The following TMEM135 variants were observed in gnomAD, a reference collection of about 807,000 sequenced individuals.
TMEM135 encodes peroxisomal membrane protein 52.
Under a neutral mutation model 60.3 loss-of-function variants are expected in TMEM135, and 30 were observed. The ratio of observed to expected loss-of-function variants is 0.50; its 90% CI spans 0.37 to 0.68. The LOEUF is 0.68. Ranked by LOEUF, TMEM135 falls within the 30% of genes least tolerant of loss-of-function variation. The pLI, the probability that TMEM135 is intolerant of heterozygous loss-of-function variation, is 0.00. For synonymous variants in TMEM135, 190 were observed against 186.7 expected, an observed-to-expected ratio of 1.02 and a Z score of -0.14; for missense variants, 468 against 548.8, an observed-to-expected ratio of 0.85 and a Z score of 1.47.
chr11:87,310,972 G>C (rs1183021969), intron 10 of TMEM135, among the ~76,000 whole-genome samples: 1 of 151,606 alleles, frequency 6.6e-6, no homozygotes, highest in Non-Finnish European at 1.5e-5. Flanking sequence ...GATGAGATTT[G>C]CCTACCTTCC....
At chr11:87,306,240 T>A (rs1338285268) in intron 9 of TMEM135, among the ~76,000 whole-genome samples, 1 of 152,202 alleles carries the variant, frequency 6.6e-6, no homozygotes, top group African/African-American at 2.4e-5. Context: ...AAAAATTGGC[T>A]TAATTAAAAC....
chr11:87,099,288 G>A (rs903862209), intron 4 of TMEM135, among the ~76,000 whole-genome samples: 1 of 151,892 alleles, frequency 6.6e-6, no homozygotes, highest in African/African-American at 2.4e-5. Flanking sequence ...TGATGTTGGA[G>A]AGCACACTTA....
intron 6 of TMEM135, among the ~76,000 whole-genome samples, chr11:87,270,001 C>G (rs1941832885): frequency 8.0e-6 from 1 of 125,510 alleles, no homozygotes; most frequent in African/African-American, 2.8e-5. Context: ...TCCTCTCCAG[C>G]ACCTGTTGTT....
intron 5 of TMEM135, among the ~76,000 whole-genome samples, chr11:87,223,526 C>T (rs1289415333): frequency 1.3e-5 from 2 of 151,976 alleles, no homozygotes; most frequent in African/African-American, 2.4e-5. Context: ...ACACTCATTG[C>T]GCTTTAAGTC....
chr11:87,174,743 C>T (rs1455915252), intron 5 of TMEM135, among the ~76,000 whole-genome samples: 1 of 152,138 alleles, frequency 6.6e-6, no homozygotes, highest in African/African-American at 2.4e-5. Flanking sequence ...ACAGCAGGTC[C>T]TCCAATCATA....
chr11:87,256,455 A>T (rs905519195), intron 6 of TMEM135, among the ~76,000 whole-genome samples: 2 of 152,194 alleles, frequency 1.3e-5, no homozygotes, highest in African/African-American at 2.4e-5. Context: ...GGGTTTGTTT[A>T]CTTAAATTAT....
chr11:87,173,844 G>A (rs1939302483), intron 5 of TMEM135, among the ~76,000 whole-genome samples: 1 of 152,122 alleles, frequency 6.6e-6, no homozygotes, highest in Admixed American at 6.6e-5. Flanking sequence ...TCCTGTGTGA[G>A]TCATGATATT....
chr11:87,116,454 G>A (rs1857881613), intron 4 of TMEM135, among the ~76,000 whole-genome samples: 2 of 152,080 alleles, frequency 1.3e-5, no homozygotes, highest in East Asian at 3.9e-4. Flanking sequence ...TTTATTACTG[G>A]GTGGCCCACT....
chr11:87,223,179 T>TTTTTG (rs1009974373), intron 5 of TMEM135, among the ~76,000 whole-genome samples: 1 of 151,700 alleles, frequency 6.6e-6, no homozygotes, highest in African/African-American at 2.4e-5. Flanking sequence ...TTTTTTTTTT[T>TTTTTG]TCTGAGATGG....
chr11:87,155,245 C>T (rs755110647), intron 4 of TMEM135, among the ~76,000 whole-genome samples: 32 of 152,188 alleles, frequency 2.1e-4, no homozygotes, highest in Non-Finnish European at 3.7e-4. Context: ...GTTATCCACC[C>T]GCCTCGGCCT....
intron 14 of TMEM135, among the ~76,000 whole-genome samples, 180 bp from the exon 15 acceptor site, chr11:87,321,021 A>T (rs970196192): frequency 6.6e-6 from 1 of 152,158 alleles, no homozygotes; most frequent in Non-Finnish European, 1.5e-5. Context: ...TAAATAAAAT[A>T]TGAGACAGTG....
At chr11:87,066,090 T>C (rs1856645420) in intron 1 of TMEM135, among the ~76,000 whole-genome samples, 1 of 152,210 alleles carries the variant, frequency 6.6e-6, no homozygotes, top group Non-Finnish European at 1.5e-5. Context: ...ATTGAGAAGA[T>C]GCCATTAGAT....
intron 11 of TMEM135, among the ~76,000 whole-genome samples, 196 bp from the exon 12 acceptor site, chr11:87,314,275 A>C (rs1422378810): frequency 1.3e-5 from 2 of 151,874 alleles, no homozygotes; most frequent in East Asian, 3.8e-4. Flanking sequence ...TCTAACTCTG[A>C]ATATCAATTT....
At chr11:87,287,651 T>C (rs1942191638) in intron 6 of TMEM135, among the ~76,000 whole-genome samples, 1 of 152,192 alleles carries the variant, frequency 6.6e-6, no homozygotes, top group South Asian at 2.1e-4. Flanking sequence ...CACTCCAGCC[T>C]GGCGACAGAG....
chr11:87,284,398 G>A (rs900435317), intron 6 of TMEM135, among the ~76,000 whole-genome samples: 2 of 152,200 alleles, frequency 1.3e-5, no homozygotes, highest in Admixed American at 6.5e-5. Context: ...GGACTTTAAA[G>A]CAGAAACAGT....
At chr11:87,238,256 C>G (rs892910073) in intron 6 of TMEM135, among the ~76,000 whole-genome samples, 1 of 151,810 alleles carries the variant, frequency 6.6e-6, no homozygotes, top group African/African-American at 2.4e-5. Context: ...CAATTTCCTG[C>G]TAGTATGTCC....
intron 4 of TMEM135, among the ~76,000 whole-genome samples, chr11:87,136,800 A>G (rs1165416352): frequency 3.3e-5 from 5 of 152,076 alleles, no homozygotes; most frequent in African/African-American, 1.2e-4. Flanking sequence ...AAAATTGTAC[A>G]TAATATTTCC....
At position 87,198,717 on chromosome 11, in the gene TMEM135, T is replaced by G. The variant is rs1488227664; in HGVS notation, c.463-37921T>G. Among the ~76,000 whole-genome samples, 5 of 151,900 alleles carry G rather than the reference T, an allele frequency of 3.3e-5. No individual in the cohort carries two copies. In the East Asian group the frequency reaches 9.7e-4, roughly 29 times the overall value. On this transcript the variant is annotated intron_variant, in intron 5 of 14. Coordinates refer to ENST00000305494, the MANE Select transcript of TMEM135 (RefSeq NM_022918.4). ...CCCTCCCTCTCTTTTCTTTTTTTTT[T>G]GCAATGGATGAGCAAGTGATGATTC...
At chr11:87,257,220 C>T (rs961859767) in intron 6 of TMEM135, among the ~76,000 whole-genome samples, 1 of 152,134 alleles carries the variant, frequency 6.6e-6, no homozygotes, top group African/African-American at 2.4e-5. Flanking sequence ...TGAGACTTTA[C>T]TGATACAGAT....
Sources: allele counts gnomAD v4.1 joint callset (sites outside exome capture counted in the v4.1 genomes callset), GRCh38; gene constraint gnomAD v4.1.1; transcripts MANE v1.5; gene names NCBI Gene and HGNC (gene_info 2026-07-23, HGNC 2026-07-21).